The following WDR43 variants were observed in gnomAD, a reference collection of about 807,000 sequenced individuals.
WDR43 encodes WD repeat-containing protein 43.
WDR43 carries 13 observed loss-of-function variants against 91.4 expected under a neutral mutation model. That is an observed-to-expected ratio of 0.14 (90% CI 0.09 to 0.23). The LOEUF (loss-of-function observed/expected upper bound fraction) is 0.23, where lower values mean the gene tolerates loss of function less well. Ranked by LOEUF, WDR43 falls within the 10% of genes least tolerant of loss-of-function variation. WDR43 has a pLI of 1.00. For missense variants in WDR43, 780 were observed against 809.4 expected (o/e 0.96, Z 0.44); for synonymous variants, 331 against 287.9 (o/e 1.15, Z -1.51).
intron 16 of WDR43, among the ~76,000 whole-genome samples, chr2:28,942,619 C>CT (rs11379144): frequency 0.66 from 91,539 of 139,422 alleles, 30,703 homozygotes; most frequent in East Asian, 0.84. Context: ...TTTTTCTTTT[C>CT]TTTTTTTTTT....
intron 13 of WDR43, among the ~76,000 whole-genome samples, chr2:28,937,409 T>C (rs1015941602): frequency 1.5e-5 from 2 of 131,138 alleles, no homozygotes; most frequent in Non-Finnish European, 3.4e-5. Context: ...AAATATGTAG[T>C]TTTTCTTTAA....
chr2:28,910,299 CTT>C (rs1553326453), intron 3 of WDR43, among the ~76,000 whole-genome samples: 1 of 152,060 alleles, frequency 6.6e-6, no homozygotes, highest in Non-Finnish European at 1.5e-5. Flanking sequence ...GCGATTGTGT[CTT>C]TTATATATGT....
At position 28,945,393 on chromosome 2, in the gene WDR43, T is replaced by C. The variant is rs2148202451; in HGVS notation, c.1805-1057T>C. Among the ~76,000 whole-genome samples the C allele has an allele frequency of 2.0e-5, 3 of 152,308 alleles. 1 individual carries two copies. The South Asian group carries it at 6.2e-4, about 32-fold the overall frequency. On this transcript the variant is annotated intron_variant, in intron 16 of 17. Coordinates refer to ENST00000407426, the MANE Select transcript of WDR43 (RefSeq NM_015131.3). ...GTTTTTCCCAAACTAGACTCGAGTT[T>C]TGCATCATGGGGTTGAATCTGGCTA...
chr2:28,938,092 C>T, intron 14 of WDR43, 98 bp downstream of exon 14: 2 of 1,296,670 alleles, frequency 1.5e-6, no homozygotes, highest in South Asian at 2.6e-5. Context: ...CATCCTTTCC[C>T]CATCTATCCT....
chr2:28,894,880 C>G lies in WDR43; in HGVS notation c.182C>G (p.Thr61Ser). The part of the protein sequence containing the change: ...EYVPSAHLSG[T>S]CTCLAWAPAR... ...GTGCCTTCCGCGCACCTCAGTGGTA[C>G]CTGCACCTGTCTGGCCTGGGCGCCA... The change falls in exon 1 of 18, where the codon ACC (threonine) becomes AGC (serine). Residue 61 changes from threonine (T) to serine (S), a missense_variant. Thr to Ser is a moderately conservative substitution (Grantham distance 58, BLOSUM62 1). This residue lies in a region of WDR43 where 175 missense variants were observed against 113.8 expected (regional missense o/e 1.54). Coordinates refer to ENST00000407426, the MANE Select transcript of WDR43 (RefSeq NM_015131.3). The G allele has an allele frequency of 6.2e-7, 1 of 1,607,680 alleles. No homozygotes were observed. The highest frequency in any genetic ancestry group is 8.5e-7 in the Non-Finnish European group (1 of 1,177,444).
At chr2:28,895,076 C>T (rs1430576266) in intron 1 of WDR43, 153 bp downstream of exon 1, 7 of 709,442 alleles carry the variant, frequency 9.9e-6, no homozygotes, top group Non-Finnish European at 1.4e-5. Context: ...GGGCCCAAGC[C>T]GCCAGCCCCG....
intron 7 of WDR43, among the ~76,000 whole-genome samples, chr2:28,923,265 A>G (rs1288158934): frequency 3.3e-5 from 5 of 152,192 alleles, no homozygotes; most frequent in Admixed American, 6.5e-5. Context: ...GGAGAGATTC[A>G]CTTGTGAACC....
intron 3 of WDR43, among the ~76,000 whole-genome samples, chr2:28,912,076 T>A (rs1334515672): frequency 6.6e-6 from 1 of 152,186 alleles, no homozygotes; most frequent in Non-Finnish European, 1.5e-5. Flanking sequence ...ACCTGTCAGA[T>A]TGGGGTACAT....
At chr2:28,902,242 C>G in intron 2 of WDR43, 118 bp downstream of exon 2, 2 of 1,043,636 alleles carry the variant, frequency 1.9e-6, no homozygotes, top group South Asian at 5.1e-5. Context: ...GGACAGTTTT[C>G]AGTCTCATCT....
chr2:28,945,650 G>A (rs561122581), intron 16 of WDR43, among the ~76,000 whole-genome samples: 35 of 152,262 alleles, frequency 2.3e-4, no homozygotes, highest in African/African-American at 7.7e-4. Flanking sequence ...AATGCTGATC[G>A]TTCATATTGC....
Position 28,912,730 on chromosome 2 carries a change from T to A in WDR43, c.606+20T>A. The A allele has an allele frequency of 6.2e-7, 1 of 1,609,218 alleles. No homozygotes were observed. On this transcript the variant is annotated intron_variant, in intron 4 of 17. Transcript: ENST00000407426. ...TACAGGGTGAGCGAATCAAATTATT[T>A]GTAAGCATAAAAATTATAGAGTAAA...
At position 28,924,872 on chromosome 2, in the gene WDR43, A is replaced by G. The variant is rs139786703; in HGVS notation, c.915-110A>G. On this transcript the variant is annotated intron_variant, in intron 7 of 17. Coordinates refer to ENST00000407426, the MANE Select transcript of WDR43 (RefSeq NM_015131.3). The stretch of plus-strand genomic sequence containing the variant: ...GGAGACCCAGGTGACTCCTGATGGC[A>G]GTATAGAGGCTAGAGGGGGGTCACA... 6 of 1,285,832 alleles carry G rather than the reference A, an allele frequency of 4.7e-6. No individual in the cohort carries two copies. The African/African-American group carries it at 7.5e-5, about 16-fold the overall frequency. 79.7% of individuals were successfully genotyped at this position (1,285,832 alleles called of 1,614,324 possible). A position where few individuals can be genotyped will look rare whatever the true frequency, so the allele number is the denominator to read the frequency against.
In WDR43 at chr2:28,907,296, C is replaced by T. The variant is rs116522780; in HGVS notation, c.485+715C>T. On this transcript the variant is annotated intron_variant, in intron 3 of 17. Transcript: ENST00000407426. ...AATGCTGCTCTTTTTAGTTCTGGTACAGTTGGGATTTTAGATTCTGTCTGG... is the reference window on the plus strand; with the variant it reads ...AATGCTGCTCTTTTTAGTTCTGGTATAGTTGGGATTTTAGATTCTGTCTGG... Among the ~76,000 whole-genome samples the T allele has an allele frequency of 5.1e-3, 770 of 152,162 alleles. 6 individuals are homozygous for T. The highest frequency in any genetic ancestry group is 0.018 in the African/African-American group (733 of 41,510).
At chr2:28,898,949 C>T (rs1460577119) in intron 1 of WDR43, among the ~76,000 whole-genome samples, 1 of 152,190 alleles carries the variant, frequency 6.6e-6, no homozygotes, top group African/African-American at 2.4e-5. Flanking sequence ...AAATTATGCA[C>T]ATGTGCCATT....
chr2:28,933,658 T>C (rs1671288530), intron 11 of WDR43, among the ~76,000 whole-genome samples: 1 of 152,202 alleles, frequency 6.6e-6, no homozygotes, highest in African/African-American at 2.4e-5. Context: ...ATCTGGACTT[T>C]AAAGCAGTTG....
intron 6 of WDR43, 44 bp downstream of exon 6, chr2:28,918,039 A>C (rs548675701): frequency 6.7e-7 from 1 of 1,486,820 alleles, no homozygotes; most frequent in South Asian, 1.2e-5. Flanking sequence ...GGTTTCACAG[A>C]TGTTATTTTT....
chr2:28,906,777 C>T (rs1436380044), intron 3 of WDR43, among the ~76,000 whole-genome samples, 196 bp downstream of exon 3: 1 of 152,062 alleles, frequency 6.6e-6, no homozygotes, highest in African/African-American at 2.4e-5. Context: ...AAAAATAAAG[C>T]AACTGTATGA....
chr2:28,913,864 A>T, intron 4 of WDR43: 1 of 696,060 alleles, frequency 1.4e-6, no homozygotes, highest in Non-Finnish European at 2.5e-6. Flanking sequence ...CTAAATTTTC[A>T]GTATTTTCAG....
At position 28,922,992 on chromosome 2, in the gene WDR43, G is replaced by T. The variant is rs569995479; in HGVS notation, c.914+9G>T. 6.2e-7 allele frequency: 1 copy of T among 1,606,210 alleles called. No individual in the cohort carries two copies. Among genetic ancestry groups the T allele is most frequent in the Non-Finnish European group, 8.5e-7 (1 of 1,176,458 alleles). ...GAACACATATTAAATGGGTAAGTAAGAAATTTTCCAAGTAAGAAATTTGTT... is the reference window on the plus strand; with the variant it reads ...GAACACATATTAAATGGGTAAGTAATAAATTTTCCAAGTAAGAAATTTGTT... On this transcript the variant is annotated intron_variant, in intron 7 of 17. Transcript: ENST00000407426.
Sources: allele counts gnomAD v4.1 joint callset (sites outside exome capture counted in the v4.1 genomes callset), GRCh38; gene constraint gnomAD v4.1.1; regional missense constraint gnomAD v4.1.1; transcripts MANE v1.5; gene names NCBI Gene and HGNC (gene_info 2026-07-23, HGNC 2026-07-21).